The following CNTN6 variants were observed in gnomAD, a reference collection of about 807,000 sequenced individuals.
CNTN6 encodes contactin 6.
CNTN6 carries 137 observed loss-of-function variants against 122.8 expected under a neutral mutation model. The observed-to-expected ratio is 1.12, with a 90% CI of 0.97 to 1.29. The LOEUF is 1.29. CNTN6 is among the 50% of genes most tolerant of loss of function. The pLI is 0.00. For synonymous variants in CNTN6, 570 were observed against 426.0 expected (o/e 1.34, Z -4.16); for missense variants, 1,634 against 1,223.4 (o/e 1.34, Z -5.01).
intron 12 of CNTN6, among the ~76,000 whole-genome samples, chr3:1,353,069 A>G (rs1705916118): frequency 6.6e-6 from 1 of 151,730 alleles, no homozygotes. Context: ...AAATGTTCCT[A>G]CATTTATCAC....
chr3:1,210,781 G>A (rs1357672201), intron 2 of CNTN6, among the ~76,000 whole-genome samples: 1 of 152,180 alleles, frequency 6.6e-6, no homozygotes, highest in East Asian at 1.9e-4. Flanking sequence ...AGGAACATGT[G>A]AGCCCCTTGT....
chr3:1,393,830 T>C (rs1035219408), intron 20 of CNTN6, among the ~76,000 whole-genome samples: 6 of 152,164 alleles, frequency 3.9e-5, no homozygotes, highest in Non-Finnish European at 7.3e-5. Context: ...ATATGACATA[T>C]ATAATACCTA....
intron 20 of CNTN6, among the ~76,000 whole-genome samples, chr3:1,386,669 A>G (rs1693004566): frequency 6.6e-6 from 1 of 152,038 alleles, no homozygotes; most frequent in Non-Finnish European, 1.5e-5. Context: ...AACACAAATT[A>G]TTCATAAAAT....
At chr3:1,302,942 A>G (rs1697676364) in intron 7 of CNTN6, among the ~76,000 whole-genome samples, 1 of 68,124 alleles carries the variant, frequency 1.5e-5, no homozygotes, top group Non-Finnish European at 3.8e-5. Context: ...TCTTTTTAAA[A>G]TTTTTATTTT....
intron 2 of CNTN6, among the ~76,000 whole-genome samples, chr3:1,186,439 G>GAAA (rs560476173): frequency 1.4e-4 from 20 of 147,008 alleles, no homozygotes; most frequent in African/African-American, 5.0e-4. Context: ...AAACTTTCAG[G>GAAA]AAAAAAAAAA....
intron 2 of CNTN6, among the ~76,000 whole-genome samples, chr3:1,163,190 C>A (rs2093173540): frequency 6.6e-6 from 1 of 152,162 alleles, no homozygotes; most frequent in African/African-American, 2.4e-5. Flanking sequence ...ATTTGGGACT[C>A]TTCTGTGAAT....
chr3:1,301,981 A>C (rs485239), intron 7 of CNTN6, among the ~76,000 whole-genome samples: 9,028 of 152,276 alleles, frequency 0.059, 929 homozygotes, highest in African/African-American at 0.21. Context: ...TTATAAATTA[A>C]GGTATTTAGC....
intron 4 of CNTN6, among the ~76,000 whole-genome samples, chr3:1,259,903 T>C (rs1420127555): frequency 6.6e-6 from 1 of 152,116 alleles, no homozygotes; most frequent in Admixed American, 6.6e-5. Flanking sequence ...ATATTAGTCA[T>C]TTTTATTTAG....
intron 7 of CNTN6, among the ~76,000 whole-genome samples, chr3:1,313,674 A>C (rs972086017): frequency 6.6e-6 from 1 of 152,082 alleles, no homozygotes; most frequent in Admixed American, 6.6e-5. Context: ...GTCCTCCCCA[A>C]GGGAAAGCTG....
At chr3:1,103,004 G>T (rs1393945020) in intron 1 of CNTN6, among the ~76,000 whole-genome samples, 2 of 151,386 alleles carry the variant, frequency 1.3e-5, no homozygotes, top group African/African-American at 4.8e-5. Context: ...TACTCGGGAG[G>T]CTGAGGCAGG....
intron 12 of CNTN6, among the ~76,000 whole-genome samples, chr3:1,363,002 A>AT (rs765841875): frequency 6.6e-6 from 1 of 151,982 alleles, no homozygotes; most frequent in Non-Finnish European, 1.5e-5. Context: ...GACAATACCA[A>AT]TAAGAATTCT....
In CNTN6 at chr3:1,381,836, C is replaced by T. The variant is rs76178064; in HGVS notation, c.2167-1106C>T. Among the ~76,000 whole-genome samples the T allele has an allele frequency of 5.4e-3, 829 of 152,198 alleles. 15 individuals carry two copies. The highest frequency in any genetic ancestry group is 0.019 in the African/African-American group (788 of 41,512). On this transcript the variant is annotated intron_variant, in intron 17 of 22. Transcript: ENST00000446702. ...CCACCCACCATGTTTCATATGCAAACTCTGTGAGAGGAATTGACCAGGTCT... is the reference window on the plus strand; with the variant it reads ...CCACCCACCATGTTTCATATGCAAATTCTGTGAGAGGAATTGACCAGGTCT...
intron 20 of CNTN6, among the ~76,000 whole-genome samples, chr3:1,396,567 C>A (rs1695009288): frequency 6.6e-6 from 1 of 152,086 alleles, no homozygotes; most frequent in African/African-American, 2.4e-5. Context: ...CTCTGAGAAC[C>A]AAAGGATATA....
intron 4 of CNTN6, among the ~76,000 whole-genome samples, chr3:1,258,198 C>A (rs2094790423): frequency 6.6e-6 from 1 of 152,050 alleles, no homozygotes; most frequent in African/African-American, 2.4e-5. Flanking sequence ...AGAAAAAAAA[C>A]CTATTATTCC....
intron 4 of CNTN6, among the ~76,000 whole-genome samples, chr3:1,245,467 C>T (rs2125638098): frequency 6.8e-6 from 1 of 147,574 alleles, no homozygotes; most frequent in African/African-American, 2.5e-5. Flanking sequence ...CGTTCTTATT[C>T]ATATGTGGGA....
intron 7 of CNTN6, among the ~76,000 whole-genome samples, chr3:1,314,496 A>G (rs1699824874): frequency 6.6e-6 from 1 of 152,158 alleles, no homozygotes; most frequent in African/African-American, 2.4e-5. Flanking sequence ...GAGAAATACA[A>G]GCTTTCTCAA....
intron 1 of CNTN6, among the ~76,000 whole-genome samples, chr3:1,138,050 A>G (rs750751009): frequency 6.6e-6 from 1 of 152,144 alleles, no homozygotes; most frequent in Non-Finnish European, 1.5e-5. Flanking sequence ...AAACATACTC[A>G]TTTCTTTTCA....
chr3:1,284,756 C>G (rs998146087), intron 5 of CNTN6, among the ~76,000 whole-genome samples: 2 of 152,106 alleles, frequency 1.3e-5, no homozygotes, highest in Non-Finnish European at 2.9e-5. Flanking sequence ...GGTTTCACTG[C>G]TATTTGAGCA....
At chr3:1,380,600 T>A (rs1238738696) in intron 17 of CNTN6, among the ~76,000 whole-genome samples, 1 of 152,144 alleles carries the variant, frequency 6.6e-6, no homozygotes, top group Non-Finnish European at 1.5e-5. Context: ...TTGGCACGCT[T>A]TTTATTTAAA....
Sources: allele counts gnomAD v4.1 joint callset (sites outside exome capture counted in the v4.1 genomes callset), GRCh38; gene constraint gnomAD v4.1.1; transcripts MANE v1.5; gene names NCBI Gene and HGNC (gene_info 2026-07-23, HGNC 2026-07-21).